The following LAMA3 variants were observed in gnomAD, a reference collection of about 807,000 sequenced individuals.
LAMA3 encodes laminin subunit alpha 3, also known as laminin subunit alpha-3.
LAMA3 carries 281 observed loss-of-function variants against 402.0 expected under a neutral mutation model. That is an observed-to-expected ratio of 0.70 (90% CI 0.63 to 0.77). The LOEUF is 0.77. Ranked by LOEUF, LAMA3 falls within the 30% of genes least tolerant of loss-of-function variation. The pLI, the probability that LAMA3 is intolerant of heterozygous loss-of-function variation, is 0.00. For synonymous variants in LAMA3, 1,431 were observed against 1,558.4 expected (o/e 0.92, Z 1.93); for missense variants, 3,840 against 4,215.5 (o/e 0.91, Z 2.47).
At chr18:23,775,511 CT>C (rs1450564093) in intron 9 of LAMA3, among the ~76,000 whole-genome samples, 1 of 150,294 alleles carries the variant, frequency 6.7e-6, no homozygotes, top group African/African-American at 2.5e-5. Flanking sequence ...AGCATGCAGG[CT>C]TTGCCTCTGA....
At chr18:23,780,332 G>T (rs922208816) in intron 11 of LAMA3, among the ~76,000 whole-genome samples, 1 of 149,822 alleles carries the variant, frequency 6.7e-6, no homozygotes, top group African/African-American at 2.5e-5. Flanking sequence ...AAGGAAAGAA[G>T]GAAGGAAGAA....
At position 23,876,356 on chromosome 18, in the gene LAMA3, C is replaced by T; in HGVS notation, c.5061C>T (p.Cys1687=). ...KGLYTGRCVP[C]NCNGHSNQCQ... ...TGTATACCGGACGGTGTGTTCCCTG[C>T]AATTGCAACGGACATTCAAATCAAT... The change falls in exon 39 of 75, where the codon TGC becomes TGT. Residue 1687 remains cysteine, a synonymous_variant. Transcript: ENST00000313654. 1.2e-6 allele frequency: 2 copies of T among 1,614,062 alleles called. No homozygotes were observed. Among genetic ancestry groups the T allele is most frequent in the Non-Finnish European group, 1.7e-6 (2 of 1,179,900 alleles).
In LAMA3 at chr18:23,944,077, T is replaced by C. The variant is rs2082622566; in HGVS notation, c.9210+106T>C. On this transcript the variant is annotated intron_variant, in intron 69 of 74. Coordinates refer to ENST00000313654, the MANE Select transcript of LAMA3 (RefSeq NM_198129.4). Reference sequence around the variant, plus strand: ...CCTTCCCAGACATGAGGGCGTGGAGTGGGAGAGCTTGTGTGCTTGCAGGCG... The same window carrying C: ...CCTTCCCAGACATGAGGGCGTGGAGCGGGAGAGCTTGTGTGCTTGCAGGCG... The C allele has an allele frequency of 3.6e-6, 4 of 1,121,204 alleles. No individual in the cohort carries two copies. In the South Asian group the frequency reaches 5.3e-5, roughly 15 times the overall value. The allele number at this position is 1,121,204 out of a possible 1,614,324, so 69.5% of individuals were successfully genotyped here.
At chr18:23,692,702 C>G (rs543803809) in intron 1 of LAMA3, among the ~76,000 whole-genome samples, 1 of 152,080 alleles carries the variant, frequency 6.6e-6, no homozygotes, top group Non-Finnish European at 1.5e-5. Context: ...TTTCTATATG[C>G]CTTATATATT....
intron 1 of LAMA3, among the ~76,000 whole-genome samples, chr18:23,712,503 C>T (rs1305409266): frequency 2.0e-5 from 3 of 150,414 alleles, no homozygotes; most frequent in Non-Finnish European, 4.4e-5. Flanking sequence ...CTAGGGGGTG[C>T]AAGGCAGTGT....
At chr18:23,766,998 A>G (rs1219063348) in intron 8 of LAMA3, among the ~76,000 whole-genome samples, 1 of 152,214 alleles carries the variant, frequency 6.6e-6, no homozygotes, top group Non-Finnish European at 1.5e-5. Flanking sequence ...AGGCTTCTGG[A>G]ACTGATAAAC....
intron 2 of LAMA3, among the ~76,000 whole-genome samples, chr18:23,718,580 G>T (rs1307162540): frequency 6.6e-6 from 1 of 152,210 alleles, no homozygotes; most frequent in Non-Finnish European, 1.5e-5. Context: ...GGATGGAGGT[G>T]TGAGGAGAGA....
At chr18:23,765,469 C>T (rs1299220229) in intron 8 of LAMA3, among the ~76,000 whole-genome samples, 1 of 152,002 alleles carries the variant, frequency 6.6e-6, no homozygotes, top group Non-Finnish European at 1.5e-5. Context: ...TTAATTGTCT[C>T]ATAAAGAAAA....
intron 73 of LAMA3, 147 bp from the exon 74 acceptor site, chr18:23,952,843 T>G: frequency 1.1e-6 from 1 of 898,676 alleles, no homozygotes; most frequent in South Asian, 1.4e-5. Flanking sequence ...TTAGAGGAAG[T>G]TAATTGAATT....
intron 10 of LAMA3, among the ~76,000 whole-genome samples, chr18:23,776,841 C>CTTT (rs34901172): frequency 0.17 from 23,389 of 135,618 alleles, 3,139 homozygotes; most frequent in East Asian, 0.57. Context: ...TTGTATTTGC[C>CTTT]TTTTTTTTTT....
chr18:23,705,105 T>C (rs1448667337), intron 1 of LAMA3, among the ~76,000 whole-genome samples: 1 of 152,188 alleles, frequency 6.6e-6, no homozygotes, highest in Non-Finnish European at 1.5e-5. Flanking sequence ...CAATTCCAAG[T>C]GTGAGTCCCT....
intron 3 of LAMA3, among the ~76,000 whole-genome samples, chr18:23,748,459 T>G (rs1276918181): frequency 6.6e-6 from 1 of 150,462 alleles, no homozygotes; most frequent in Non-Finnish European, 1.5e-5. Context: ...AATCTCTCAG[T>G]ATGACTAGTT....
At chr18:23,798,108 A>G (rs539810348) in intron 12 of LAMA3, among the ~76,000 whole-genome samples, 3 of 150,968 alleles carry the variant, frequency 2.0e-5, no homozygotes, top group East Asian at 2.0e-4. Flanking sequence ...TTTTTCCGCT[A>G]TTCTTCATTT....
intron 17 of LAMA3, among the ~76,000 whole-genome samples, chr18:23,815,945 G>C (rs1262686085): frequency 6.6e-6 from 1 of 152,070 alleles, no homozygotes; most frequent in African/African-American, 2.4e-5. Context: ...GAAATTGCAG[G>C]ACAGGTGCCC....
intron 62 of LAMA3, among the ~76,000 whole-genome samples, chr18:23,922,559 G>A (rs2081878776): frequency 6.6e-6 from 1 of 152,184 alleles, no homozygotes; most frequent in Admixed American, 6.5e-5. Context: ...GAACCTGGGG[G>A]TGACATCTTT....
At chr18:23,929,376 G>T (rs982326715) in intron 64 of LAMA3, among the ~76,000 whole-genome samples, 3 of 152,218 alleles carry the variant, frequency 2.0e-5, no homozygotes, top group African/African-American at 7.2e-5. Flanking sequence ...ATGAATATTT[G>T]TGGAATGAGT....
At chr18:23,702,928 G>C (rs2060817589) in intron 1 of LAMA3, among the ~76,000 whole-genome samples, 1 of 152,168 alleles carries the variant, frequency 6.6e-6, no homozygotes, top group Non-Finnish European at 1.5e-5. Flanking sequence ...TCTGATGCTT[G>C]TGTCTACCTT....
chr18:23,771,747 A>C (rs1038791498), intron 8 of LAMA3, among the ~76,000 whole-genome samples: 1 of 152,212 alleles, frequency 6.6e-6, no homozygotes, highest in African/African-American at 2.4e-5. Context: ...GATAAAGCAA[A>C]TATGGTAAAA....
At position 23,801,349 on chromosome 18, in the gene LAMA3, A is replaced by G. The variant is rs943542363; in HGVS notation, c.1604-9017A>G. Among the ~76,000 whole-genome samples, 5 of 152,262 alleles carry G rather than the reference A, an allele frequency of 3.3e-5. No homozygotes were observed. The South Asian group carries it at 1.0e-3, about 32-fold the overall frequency. On this transcript the variant is annotated intron_variant, in intron 12 of 74. Coordinates refer to ENST00000313654, the MANE Select transcript of LAMA3 (RefSeq NM_198129.4). Reference sequence around the variant, plus strand: ...GCTGAAAAACTACCTATCAGGTACTATGCTCAGTACCTGGGCGATTTTTTG... The same window carrying G: ...GCTGAAAAACTACCTATCAGGTACTGTGCTCAGTACCTGGGCGATTTTTTG...
Sources: gnomAD v4.1 joint callset for allele counts (sites outside exome capture counted in the v4.1 genomes callset) on GRCh38, gnomAD v4.1.1 for gene constraint, MANE v1.5 for transcripts, NCBI Gene and HGNC (gene_info 2026-07-23, HGNC 2026-07-21) for gene names.